PIGN: variants seen among roughly 807,000 people sequenced by gnomAD.
PIGN encodes the protein GPI ethanolamine phosphate transferase 1.
PIGN carries 117 observed loss-of-function variants against 125.4 expected under a neutral mutation model. The ratio of observed to expected loss-of-function variants is 0.93; its 90% confidence interval spans 0.80 to 1.09. The LOEUF (loss-of-function observed/expected upper bound fraction) is 1.09, where lower values mean the gene tolerates loss of function less well. Among genes scored for constraint, PIGN ranks in the 50% least tolerant of loss-of-function variants. The probability of loss-of-function intolerance (pLI) is 0.00; values close to 1 mark genes in which losing one functional copy is unlikely to be tolerated. For synonymous variants in PIGN, 392 were observed against 377.8 expected (o/e 1.04, Z -0.44); for missense variants, 1,075 against 1,094.9 (o/e 0.98, Z 0.26).
chr18:62,143,350 A>T lies in PIGN; in HGVS notation c.923-4T>A. 2 of 1,515,716 alleles carry T rather than the reference A, an allele frequency of 1.3e-6. No homozygotes were observed. The highest frequency in any genetic ancestry group is 1.8e-6 in the Non-Finnish European group (2 of 1,102,906). The allele number at this position is 1,515,716 out of a possible 1,614,324, so 93.9% of individuals were successfully genotyped here. On this transcript the variant is annotated splice_polypyrimidine_tract_variant and splice_region_variant and intron_variant, in intron 10 of 30. Coordinates refer to ENST00000640252, the MANE Select transcript of PIGN (RefSeq NM_176787.5). ...TTCCAATTCTCCAATCTCCACTCTG[A>T]AAGATACAATCAGACACAAGATCTG...
At chr18:62,056,054 T>TAA (rs766579368) in intron 30 of PIGN, among the ~76,000 whole-genome samples, 7,992 of 97,784 alleles carry the variant, frequency 0.082, 530 homozygotes, top group African/African-American at 0.19. Flanking sequence ...TTTTTGCCAC[T>TAA]AAAAAAAAAA....
intron 2 of PIGN, among the ~76,000 whole-genome samples, chr18:62,162,883 C>T (rs1020207538): frequency 2.0e-5 from 3 of 151,982 alleles, no homozygotes; most frequent in African/African-American, 4.8e-5. Context: ...ACATTAAATG[C>T]TAAATTATCA....
chr18:62,160,522 G>C (rs182574852), intron 4 of PIGN, among the ~76,000 whole-genome samples: 24 of 141,446 alleles, frequency 1.7e-4, no homozygotes, highest in African/African-American at 4.4e-4. Context: ...CTTTTTTTTT[G>C]TTTTTTTTTT....
In PIGN at chr18:62,105,442, T is replaced by C; in HGVS notation, c.1859+101A>G. 5.7e-6 allele frequency: 4 copies of C among 704,840 alleles called. 1 individual carries two copies. In the South Asian group the frequency reaches 7.4e-5, roughly 13 times the overall value. The allele number at this position is 704,840 out of a possible 1,614,324, so 43.7% of individuals were successfully genotyped here. ...TATTTTAAATTCCCGTTAGTTCACA[T>C]GATTTTATATTCTTGACCAAGATTA... On this transcript the variant is annotated intron_variant, in intron 20 of 30. Coordinates refer to ENST00000640252, the MANE Select transcript of PIGN (RefSeq NM_176787.5).
At chr18:62,135,077 CTTATCT>C (rs1445084121) in intron 14 of PIGN, among the ~76,000 whole-genome samples, 3 of 152,066 alleles carry the variant, frequency 2.0e-5, no homozygotes, top group South Asian at 4.1e-4. Flanking sequence ...TCTTATACAA[CTTATCT>C]TTAAGTTTTT....
chr18:62,069,084 G>A (rs1375824765), intron 30 of PIGN, among the ~76,000 whole-genome samples: 2 of 152,180 alleles, frequency 1.3e-5, no homozygotes, highest in African/African-American at 4.8e-5. Context: ...CATACAGCTG[G>A]TGCTCAATAA....
intron 1 of PIGN, among the ~76,000 whole-genome samples, chr18:62,172,492 T>C (rs888909770): frequency 5.3e-5 from 8 of 152,164 alleles, no homozygotes; most frequent in African/African-American, 1.9e-4. Context: ...TACTCTAATA[T>C]GTACTTACAC....
rs2033914665 is a variant in PIGN at position 62,090,643 on chromosome 18, T to C, written c.2181-65A>G. 9.9e-6 allele frequency: 8 copies of C among 807,638 alleles called. No individual in the cohort carries two copies. The East Asian group carries it at 2.1e-4, about 22-fold the overall frequency. The allele number at this position is 807,638 out of a possible 1,614,324, so 50.0% of individuals were successfully genotyped here. A position where few individuals can be genotyped will look rare whatever the true frequency, so the allele number is the denominator to read the frequency against. The stretch of plus-strand genomic sequence containing the variant: ...AGTAAAATAAGTAAAAATGCAAATT[T>C]ACACTGAGGTCTTTCTCAAAATTAA... On this transcript the variant is annotated intron_variant, in intron 23 of 30. Transcript: ENST00000640252.
In PIGN at chr18:62,137,221, A is replaced by G; in HGVS notation, c.1172+1022T>C. ...CTTGCACTTGAACATCAGACTCCGA[A>G]TTCTTCAGCTTTTAGACTCTTGGAC... is the stretch of plus-strand genomic sequence containing the variant. On this transcript the variant is annotated intron_variant, in intron 14 of 30. Coordinates refer to ENST00000640252, the MANE Select transcript of PIGN (RefSeq NM_176787.5). The G allele has an allele frequency of 7.5e-6, 3 of 401,398 alleles. No homozygotes were observed. The East Asian group carries it at 1.1e-4, about 14-fold the overall frequency. The allele number at this position is 401,398 out of a possible 1,614,324, so 24.9% of individuals were successfully genotyped here. A position where few individuals can be genotyped will look rare whatever the true frequency, so the allele number is the denominator to read the frequency against.
chr18:62,143,397 T>A (rs906971597), intron 10 of PIGN, 51 bp from the exon 11 acceptor site: 20 of 1,185,582 alleles, frequency 1.7e-5, no homozygotes, highest in Non-Finnish European at 2.2e-5. Flanking sequence ...TAAAAAAGAA[T>A]AAATCATTTG....
chr18:62,060,122 T>G (rs1164258730), intron 30 of PIGN, among the ~76,000 whole-genome samples: 3 of 152,214 alleles, frequency 2.0e-5, no homozygotes, highest in African/African-American at 7.2e-5. Flanking sequence ...ATCATCTTCA[T>G]GCAATTGAGC....
chr18:62,155,947 G>C (rs950956272), intron 6 of PIGN, among the ~76,000 whole-genome samples: 1 of 152,190 alleles, frequency 6.6e-6, no homozygotes, highest in Non-Finnish European at 1.5e-5. Flanking sequence ...ACTATCATCT[G>C]TAAAATTCTC....
At chr18:62,150,770 G>A (rs2036507061) in intron 7 of PIGN, among the ~76,000 whole-genome samples, 1 of 152,094 alleles carries the variant, frequency 6.6e-6, no homozygotes, top group Non-Finnish European at 1.5e-5. Flanking sequence ...CGCAATCTCG[G>A]CTCACTGCAA....
chr18:62,161,191 G>GTA lies in PIGN; in HGVS notation c.162_163insTA (p.Arg55TyrfsTer9). The GTA allele has an allele frequency of 3.7e-6, 6 of 1,613,854 alleles. No individual in the cohort carries two copies. Among genetic ancestry groups the GTA allele is most frequent in the Non-Finnish European group, 5.1e-6 (6 of 1,179,794 alleles). ...TCTAATTCGTAAAGTGCATCTGCTC[G>GTA]AAGGCCATCAGCAACAAACAACACT... On this transcript the variant is annotated frameshift_variant, in exon 4 of 31. Coordinates refer to ENST00000640252, the MANE Select transcript of PIGN (RefSeq NM_176787.5). LOFTEE classifies it high-confidence loss of function.
At chr18:62,114,521 G>T in intron 15 of PIGN, 40 bp downstream of exon 15, 3 of 1,235,294 alleles carry the variant, frequency 2.4e-6, no homozygotes, top group South Asian at 1.3e-5. Flanking sequence ...TCCCCAAAAT[G>T]ATAATCAGCT....
Position 62,113,325 on chromosome 18 carries a change from A to C in PIGN, c.1252-9T>G. 1 of 1,574,406 alleles carries C rather than the reference A, an allele frequency of 6.4e-7. No individual in the cohort carries two copies. The highest frequency in any genetic ancestry group is 8.6e-7 in the Non-Finnish European group (1 of 1,163,826). ...TCCTTGCAAAGGGAGACCTATGGAG[A>C]AAAAACATATATAACTTGCTAACAG... On this transcript the variant is annotated splice_polypyrimidine_tract_variant and intron_variant, in intron 15 of 30. Transcript: ENST00000640252.
intron 26 of PIGN, 93 bp from the exon 27 acceptor site, chr18:62,084,699 A>C (rs978427678): frequency 4.8e-6 from 4 of 833,458 alleles, no homozygotes; most frequent in African/African-American, 3.4e-5. Flanking sequence ...TAATTCTCTG[A>C]AATCTACTTA....
intron 14 of PIGN, among the ~76,000 whole-genome samples, chr18:62,124,771 T>C (rs888756825): frequency 2.0e-5 from 3 of 152,192 alleles, no homozygotes; most frequent in East Asian, 1.9e-4. Context: ...TGTGTGTGCA[T>C]GGGAAAACAG....
Position 62,102,826 on chromosome 18 carries a change from T to C in PIGN, c.1936A>G (p.Ile646Val), listed in dbSNP as rs773417265. Residue 646 changes from isoleucine to valine, a missense_variant, in exon 21 of 31, where the codon ATA (isoleucine) becomes GTA (valine). This residue lies in a region of PIGN where 915 missense variants were observed against 908.7 expected (regional missense o/e 1.01). Transcript: ENST00000640252. The part of the protein sequence containing the change: ...TSLMKRKDSF[I>V]KEELLVHLLQ... ...AGATGTACCAATAGCTCTTCCTTTATAAAGCTATCTTTTCTTTTCATGAGA... is the reference window on the plus strand; with the variant it reads ...AGATGTACCAATAGCTCTTCCTTTACAAAGCTATCTTTTCTTTTCATGAGA... 6.4e-7 allele frequency: 1 copy of C among 1,569,656 alleles called. No individual in the cohort carries two copies. Among genetic ancestry groups the C allele is most frequent in the East Asian group, 2.3e-5 (1 of 43,520 alleles).
Sources: gnomAD v4.1 joint callset for allele counts (sites outside exome capture counted in the v4.1 genomes callset) on GRCh38, gnomAD v4.1.1 for gene constraint, gnomAD v4.1.1 regional missense constraint, MANE v1.5 for transcripts, NCBI Gene and HGNC (gene_info 2026-07-23, HGNC 2026-07-21) for gene names.